NPHP3: variants seen among roughly 807,000 people sequenced by gnomAD.
NPHP3 encodes nephrocystin-3.
In NPHP3, 123 loss-of-function variants were observed where a neutral mutation model predicts 171.9. The observed-to-expected ratio is 0.72, with a 90% CI of 0.62 to 0.83. The LOEUF is 0.83. Ranked by LOEUF, NPHP3 falls within the 40% of genes least tolerant of loss-of-function variation. The probability of loss-of-function intolerance (pLI) is 0.00; values close to 1 mark genes in which losing one functional copy is unlikely to be tolerated. For synonymous variants in NPHP3, 558 were observed against 579.2 expected, an observed-to-expected ratio of 0.96 and a Z score of 0.52; for missense variants, 1,506 against 1,591.9, an observed-to-expected ratio of 0.95 and a Z score of 0.92.
At chr3:132,706,376 A>T (rs533840835) in intron 7 of NPHP3, among the ~76,000 whole-genome samples, 1 of 151,026 alleles carries the variant, frequency 6.6e-6, no homozygotes, top group Non-Finnish European at 1.5e-5. Context: ...AAAACAAAAA[A>T]CAAAAAAAAA....
chr3:132,700,168 C>A (rs1301008480), intron 11 of NPHP3, 107 bp from the exon 12 acceptor site: 30 of 1,389,954 alleles, frequency 2.2e-5, no homozygotes, highest in Non-Finnish European at 3.0e-6. Context: ...AAACCAAAAT[C>A]AAGTCACCAA....
intron 17 of NPHP3, 65 bp from the exon 18 acceptor site, chr3:132,691,351 A>G: frequency 9.1e-7 from 1 of 1,099,518 alleles, no homozygotes; most frequent in Non-Finnish European, 1.4e-6. Flanking sequence ...CTAACAAGAG[A>G]TTTGCAAAAA....
At chr3:132,686,066 T>C in intron 23 of NPHP3, 194 bp downstream of exon 23, 1 of 512,968 alleles carries the variant, frequency 1.9e-6, no homozygotes. Context: ...AAAAAAAGAG[T>C]GTGAAAAGAA....
intron 3 of NPHP3, chr3:132,718,193 T>TA (rs1291814163): frequency 8.5e-6 from 3 of 353,174 alleles, no homozygotes; most frequent in African/African-American, 4.5e-5. Context: ...AGAATATACT[T>TA]ACAGTTCATT....
chr3:132,682,867 A>G (rs745893942), intron 25 of NPHP3, 49 bp from the exon 26 acceptor site: 1 of 1,183,046 alleles, frequency 8.5e-7, no homozygotes, highest in Non-Finnish European at 1.3e-6. Flanking sequence ...TTCTGAAATT[A>G]ATGTATTCTA....
intron 3 of NPHP3, chr3:132,718,023 G>A (rs1458448756): frequency 2.2e-6 from 1 of 444,668 alleles, no homozygotes; most frequent in Non-Finnish European, 4.5e-6. Context: ...CAAAGTGCTG[G>A]TATTACAGGC....
intron 21 of NPHP3, 128 bp downstream of exon 21, chr3:132,688,522 T>C (rs182159001): frequency 6.1e-6 from 6 of 985,588 alleles, no homozygotes; most frequent in Non-Finnish European, 9.6e-6. Context: ...TTTCTCTGTT[T>C]ACCACATGAA....
chr3:132,721,771 G>T, intron 1 of NPHP3, 192 bp downstream of exon 1: 1 of 787,800 alleles, frequency 1.3e-6, no homozygotes, highest in Non-Finnish European at 2.2e-6. Context: ...ACCGCAGCGA[G>T]ACCCTGTCTC....
intron 26 of NPHP3, 89 bp downstream of exon 26, chr3:132,682,614 A>G (rs1939059497): frequency 1.2e-6 from 1 of 820,584 alleles, no homozygotes; most frequent in Non-Finnish European, 2.1e-6. Flanking sequence ...CTAAGAAAAA[A>G]CATTCAGTAA....
chr3:132,714,546 T>C (rs998477872), intron 5 of NPHP3, among the ~76,000 whole-genome samples: 2 of 149,142 alleles, frequency 1.3e-5, no homozygotes, highest in South Asian at 4.3e-4. Flanking sequence ...AATGAGTCAC[T>C]TTCTCTGCAA....
rs1553775398 is a variant in NPHP3, at chr3:132,719,764, C to T, written c.460G>A (p.Ala154Thr). ...TCAAATGTTGCTGCTCTCTCCATTG[C>T]TTGGTATTTCGCTTCTAAAGCACTT... is the stretch of plus-strand genomic sequence containing the variant. Reference protein sequence around the residue: ...KESALEAKYQAMERAATFEHD... With the variant: ...KESALEAKYQTMERAATFEHD... Residue 154 changes from alanine (A) to threonine (T), a missense_variant, in exon 2 of 27, where the codon GCA (alanine) becomes ACA (threonine). Around this residue, in one of 3 missense-constraint regions of NPHP3, gnomAD observed 930 missense variants for 924.9 expected, o/e 1.01. Coordinates refer to ENST00000337331, the MANE Select transcript of NPHP3 (RefSeq NM_153240.5). 5 of 1,603,382 alleles carry T rather than the reference C, an allele frequency of 3.1e-6. No homozygotes were observed. In the East Asian group the frequency reaches 9.0e-5, roughly 29 times the overall value.
chr3:132,700,548 T>A (rs1412367723), intron 10 of NPHP3, 100 bp from the exon 11 acceptor site: 1 of 665,148 alleles, frequency 1.5e-6, no homozygotes, highest in Admixed American at 2.9e-5. Context: ...GTTGCCTAAC[T>A]GAGCAATCAG....
At chr3:132,712,614 A>T (rs1939942337) in intron 6 of NPHP3, among the ~76,000 whole-genome samples, 1 of 152,100 alleles carries the variant, frequency 6.6e-6, no homozygotes, top group African/African-American at 2.4e-5. Flanking sequence ...AAAATACAAA[A>T]AATTAGCCAG....
intron 3 of NPHP3, chr3:132,718,223 C>T (rs1165235517): frequency 3.5e-6 from 1 of 285,142 alleles, no homozygotes; most frequent in Non-Finnish European, 6.8e-6. Context: ...AGAGTGACTA[C>T]ATTTTTCCAC....
intron 15 of NPHP3, among the ~76,000 whole-genome samples, chr3:132,696,080 T>C (rs548174762): frequency 6.6e-6 from 1 of 152,180 alleles, no homozygotes; most frequent in East Asian, 1.9e-4. Context: ...TGTGCTAGAA[T>C]TGCCATCTAT....
At chr3:132,715,399 C>A (rs1018163332) in intron 4 of NPHP3, among the ~76,000 whole-genome samples, 181 bp from the exon 5 acceptor site, 2 of 152,242 alleles carry the variant, frequency 1.3e-5, no homozygotes, top group Admixed American at 1.3e-4. Flanking sequence ...AAATTCTATC[C>A]TAGGACTTGA....
chr3:132,701,520 A>G lies in NPHP3; in HGVS notation c.1538T>C (p.Leu513Pro), dbSNP rs1057520193. 1.2e-6 allele frequency: 2 copies of G among 1,612,106 alleles called. No individual in the cohort carries two copies. The highest frequency in any genetic ancestry group is 1.7e-6 in the Non-Finnish European group (2 of 1,178,210). The change falls in exon 10 of 27, where the codon CTT becomes CCT. Residue 513 changes from leucine to proline, a missense_variant. Coordinates refer to ENST00000337331, the MANE Select transcript of NPHP3 (RefSeq NM_153240.5). ...GGCTGGTGCTGCCACTAGATCATTA[A>G]GGCGTTGGTAATACTAGAAAAAAAA... is the stretch of plus-strand genomic sequence containing the variant. ...ELGFEKYYQR[L>P]NDLVAAPAPI...
Position 132,688,657 on chromosome 3 carries a change from G to A in NPHP3, c.3118C>T (p.Gln1040Ter). 1.2e-6 allele frequency: 2 copies of A among 1,614,022 alleles called. No homozygotes were observed. The highest frequency in any genetic ancestry group is 1.7e-6 in the Non-Finnish European group (2 of 1,179,908). Residue 1040 changes from glutamine (Q) to a stop codon, truncating the protein, a stop_gained, in exon 21 of 27, where the codon CAA (glutamine) becomes TAA (stop). Coordinates refer to ENST00000337331, the MANE Select transcript of NPHP3 (RefSeq NM_153240.5). LOFTEE classifies it high-confidence loss of function. The stretch of plus-strand genomic sequence containing the variant: ...TGATCTAAAAAATCTTACTTATTTT[G>A]TTTCTGGTACAAAGTTGCAAGTGCT... Reference protein sequence around the residue: ...LEALATLYQKQNKYEQAEHFR... With the variant: ...LEALATLYQK
At position 132,708,257 on chromosome 3, in the gene NPHP3, G is replaced by C. The variant is rs556746979; in HGVS notation, c.1119C>G (p.Ser373Arg). 1.2e-6 allele frequency: 2 copies of C among 1,613,618 alleles called. No individual in the cohort carries two copies. The highest frequency in any genetic ancestry group is 2.2e-5 in the East Asian group (1 of 44,872). The change falls in exon 7 of 27, where the codon AGC (serine) becomes AGG (arginine). Residue 373 changes from serine to arginine, a missense_variant and splice_region_variant. Ser to Arg is a moderately radical substitution (Grantham distance 110). This residue lies in a region of NPHP3 where 930 missense variants were observed against 924.9 expected (regional missense o/e 1.01). Transcript: ENST00000337331. ...VILFIHLTLP[S>R]LLLEDCEEAF... ...CTTCTTCACAGTCTTCCAATAAAAG[G>C]CTAGATTGGAAATCAGCATTTTGTG...
Sources: allele counts gnomAD v4.1 joint callset (sites outside exome capture counted in the v4.1 genomes callset), GRCh38; gene constraint gnomAD v4.1.1; regional missense constraint gnomAD v4.1.1; transcripts MANE v1.5; gene names NCBI Gene and HGNC (gene_info 2026-07-23, HGNC 2026-07-21).